The following ADAMTSL3 variants were observed in gnomAD, a reference collection of about 807,000 sequenced individuals.
The protein encoded by ADAMTSL3 is ADAMTS-like protein 3.
ADAMTSL3 carries 128 observed loss-of-function variants against 201.7 expected under a neutral mutation model. That is an observed-to-expected ratio of 0.63 (90% CI 0.55 to 0.73). ADAMTSL3 has a LOEUF of 0.73. ADAMTSL3 is among the 30% of genes least tolerant of loss of function. The pLI is 0.00. For synonymous variants in ADAMTSL3, 738 were observed against 748.4 expected (o/e 0.99, Z 0.23); for missense variants, 1,990 against 2,119.6 (o/e 0.94, Z 1.20).
intron 2 of ADAMTSL3, among the ~76,000 whole-genome samples, chr15:83,670,674 T>A (rs772760047): frequency 2.0e-5 from 3 of 152,208 alleles, no homozygotes; most frequent in Admixed American, 1.3e-4. Context: ...ACTAATGGAA[T>A]GTATTCACAG....
chr15:83,766,565 G>A (rs1452113586), intron 3 of ADAMTSL3, among the ~76,000 whole-genome samples: 7 of 152,232 alleles, frequency 4.6e-5, no homozygotes, highest in Admixed American at 3.3e-4. Context: ...GATCCAAGAG[G>A]CGAAATGCTA....
chr15:83,893,972 A>G (rs1259857315), intron 13 of ADAMTSL3, among the ~76,000 whole-genome samples: 4 of 152,180 alleles, frequency 2.6e-5, no homozygotes, highest in Admixed American at 6.5e-5. Flanking sequence ...TATTTATTCA[A>G]TGGGTCAGCT....
chr15:83,654,434 T>C lies in ADAMTSL3; in HGVS notation c.-34+158T>C, dbSNP rs1037446994. ...CGCGGGCCCCAGGGGGCCTCAGGAC[T>C]GGGGTGCTCCTCACTGCTGGGCACC... On this transcript the variant is annotated intron_variant, in intron 1 of 29. Transcript: ENST00000286744. This position sits in a 1 kb window ranked among gnomAD's most constrained non-coding sequence, Gnocchi z 5.3. Among the ~76,000 whole-genome samples the C allele has an allele frequency of 6.6e-6, 1 of 152,060 alleles. No individual in the cohort carries two copies. The highest frequency in any genetic ancestry group is 6.5e-5 in the Admixed American group (1 of 15,304).
intron 4 of ADAMTSL3, among the ~76,000 whole-genome samples, 167 bp from the exon 5 acceptor site, chr15:83,804,483 T>C (rs900282631): frequency 6.6e-6 from 1 of 152,062 alleles, no homozygotes; most frequent in African/African-American, 2.4e-5. Flanking sequence ...CTCCCGATCC[T>C]TGAAAATTAG....
chr15:83,820,076 C>T, intron 6 of ADAMTSL3, 29 bp downstream of exon 6: 1 of 1,547,600 alleles, frequency 6.5e-7, no homozygotes, highest in South Asian at 1.1e-5. Flanking sequence ...CAATCCCCTG[C>T]TTTGGGGATG....
intron 3 of ADAMTSL3, among the ~76,000 whole-genome samples, chr15:83,756,588 A>C (rs977101644): frequency 7.2e-6 from 1 of 139,672 alleles, no homozygotes; most frequent in Non-Finnish European, 1.6e-5. Context: ...AAACCATATC[A>C]TTTCACCCCT....
At chr15:83,866,295 A>G (rs1447586028) in intron 8 of ADAMTSL3, among the ~76,000 whole-genome samples, 1 of 152,234 alleles carries the variant, frequency 6.6e-6, no homozygotes, top group African/African-American at 2.4e-5. Context: ...TGCTGCTATA[A>G]AGACACATGC....
chr15:83,725,243 C>A (rs1166361064), intron 3 of ADAMTSL3, among the ~76,000 whole-genome samples: 3 of 150,820 alleles, frequency 2.0e-5, no homozygotes, highest in African/African-American at 7.3e-5. Context: ...GGATAAAAGT[C>A]ATTTTAACTG....
chr15:83,680,094 A>G (rs566784548), intron 2 of ADAMTSL3, among the ~76,000 whole-genome samples: 19 of 152,246 alleles, frequency 1.2e-4, no homozygotes, highest in African/African-American at 3.9e-4. Flanking sequence ...GGTTATTGTC[A>G]AAAAGATGTT....
chr15:83,783,216 G>A (rs1197186384), intron 4 of ADAMTSL3, among the ~76,000 whole-genome samples: 1 of 151,582 alleles, frequency 6.6e-6, no homozygotes, highest in Non-Finnish European at 1.5e-5. Flanking sequence ...AAAAGTCTGG[G>A]ATGCACGTTC....
At chr15:84,003,194 T>C (rs528853114) in intron 23 of ADAMTSL3, among the ~76,000 whole-genome samples, 2 of 151,976 alleles carry the variant, frequency 1.3e-5, no homozygotes, top group South Asian at 4.2e-4. Flanking sequence ...CAAGCAACCC[T>C]CCTACCTCAG....
intron 19 of ADAMTSL3, among the ~76,000 whole-genome samples, chr15:83,953,177 G>A (rs1207180096): frequency 6.6e-6 from 1 of 151,984 alleles, no homozygotes; most frequent in Non-Finnish European, 1.5e-5. Flanking sequence ...TTTGTTATTT[G>A]TTTTCCGTTT....
At chr15:83,950,169 A>G (rs2142059340) in intron 19 of ADAMTSL3, among the ~76,000 whole-genome samples, 1 of 152,116 alleles carries the variant, frequency 6.6e-6, no homozygotes, top group Non-Finnish European at 1.5e-5. Context: ...ATCCATTTTG[A>G]TTTGATTTTT....
intron 21 of ADAMTSL3, among the ~76,000 whole-genome samples, chr15:83,986,355 A>C (rs2067474609): frequency 6.6e-6 from 1 of 152,148 alleles, no homozygotes; most frequent in African/African-American, 2.4e-5. Flanking sequence ...TTTTAAATAG[A>C]TTGACTTGAT....
chr15:83,840,486 A>G (rs2064352058), intron 7 of ADAMTSL3, among the ~76,000 whole-genome samples: 1 of 152,224 alleles, frequency 6.6e-6, no homozygotes, highest in Non-Finnish European at 1.5e-5. Context: ...CACCGTGTCA[A>G]CAACTGGATA....
In ADAMTSL3 at chr15:83,655,836, G is replaced by T. The variant is rs750684565; in HGVS notation, c.69+6G>T. Reference sequence around the variant, plus strand: ...TGCACTCTCCCCTCCCGCAGGTAAGGTCATATAGGGAGGGGAAGGGAAATG... The same window carrying T: ...TGCACTCTCCCCTCCCGCAGGTAAGTTCATATAGGGAGGGGAAGGGAAATG... On this transcript the variant is annotated splice_donor_region_variant and intron_variant, in intron 2 of 29. Coordinates refer to ENST00000286744, the MANE Select transcript of ADAMTSL3 (RefSeq NM_207517.3). 5 of 1,613,468 alleles carry T rather than the reference G, an allele frequency of 3.1e-6. No individual in the cohort carries two copies. The Admixed American group carries it at 6.7e-5, about 22-fold the overall frequency.
chr15:83,980,639 C>G (rs1398617505), intron 20 of ADAMTSL3, among the ~76,000 whole-genome samples: 2 of 152,146 alleles, frequency 1.3e-5, no homozygotes, highest in African/African-American at 4.8e-5. Flanking sequence ...CATTTTCAAG[C>G]AGAACCCTGG....
chr15:83,677,598 T>C (rs2061424440), intron 2 of ADAMTSL3, among the ~76,000 whole-genome samples: 2 of 152,118 alleles, frequency 1.3e-5, no homozygotes, highest in Non-Finnish European at 2.9e-5. Context: ...CTATGAAATA[T>C]ATTATTAGCA....
intron 23 of ADAMTSL3, among the ~76,000 whole-genome samples, chr15:84,012,442 C>T (rs2068022249): frequency 6.6e-6 from 1 of 152,148 alleles, no homozygotes; most frequent in African/African-American, 2.4e-5. Context: ...CAGCTCAGGT[C>T]CCTTTTATCT....
Sources: allele counts gnomAD v4.1 joint callset (sites outside exome capture counted in the v4.1 genomes callset), GRCh38; gene constraint gnomAD v4.1.1; non-coding constraint Gnocchi (gnomAD v3.1); transcripts MANE v1.5; gene names NCBI Gene and HGNC (gene_info 2026-07-23, HGNC 2026-07-21).